Variants in CCNJL observed in about 807,000 individuals in gnomAD.
The protein encoded by CCNJL is cyclin J like.
CCNJL carries 33 observed loss-of-function variants against 33.4 expected under a neutral mutation model. The ratio of observed to expected loss-of-function variants is 0.99; its 90% CI spans 0.75 to 1.32. CCNJL has a LOEUF of 1.32. CCNJL is among the 40% of genes most tolerant of loss of function. The pLI is 0.00. For missense variants in CCNJL, 512 were observed against 499.7 expected (o/e 1.02, Z -0.23); for synonymous variants, 227 against 220.9 (o/e 1.03, Z -0.24).
chr5:160,304,288 C>CA lies in CCNJL; in HGVS notation c.66+7569dup, dbSNP rs548281217. ...GAGAATACGGGTGAAGCACTGCAGT[C>CA]AGTTTCAAAGCTAGACACTATCTTG... is the stretch of plus-strand genomic sequence containing the variant. On this transcript the variant is annotated intron_variant, in intron 2 of 5. Coordinates refer to ENST00000257536, the MANE Select transcript of CCNJL (RefSeq NM_001308173.3). Among the ~76,000 whole-genome samples the CA allele has an allele frequency of 1.9e-3, 296 of 152,330 alleles. 3 individuals are homozygous for CA. Among genetic ancestry groups the CA allele is most frequent in the African/African-American group, 6.7e-3 (278 of 41,572 alleles).
At chr5:160,332,046 C>T (rs1244189604) in intron 1 of CCNJL, among the ~76,000 whole-genome samples, 2 of 152,106 alleles carry the variant, frequency 1.3e-5, no homozygotes, top group African/African-American at 2.4e-5. Flanking sequence ...TCTGTTTCCC[C>T]TCCCTCTCTC....
At chr5:160,270,641 AG>A (rs1761798917) in intron 3 of CCNJL, among the ~76,000 whole-genome samples, 1 of 152,224 alleles carries the variant, frequency 6.6e-6, no homozygotes, top group Non-Finnish European at 1.5e-5. Flanking sequence ...CACTGAGGCT[AG>A]GATTTACCCT....
intron 4 of CCNJL, chr5:160,258,708 AC>A: frequency 1.3e-6 from 1 of 744,562 alleles, no homozygotes; most frequent in Non-Finnish European, 2.4e-6. Context: ...TAAAAAACAA[AC>A]AAAAAAAAGA....
At chr5:160,321,009 TCTC>T (rs1763448408) in intron 1 of CCNJL, among the ~76,000 whole-genome samples, 5 of 95,830 alleles carry the variant, frequency 5.2e-5, no homozygotes, top group African/African-American at 2.6e-4. Flanking sequence ...TCTCTCTCTC[TCTC>T]TCTTTCTTTC....
At chr5:160,332,112 C>G (rs1763614814) in intron 1 of CCNJL, among the ~76,000 whole-genome samples, 4 of 152,160 alleles carry the variant, frequency 2.6e-5, no homozygotes, top group African/African-American at 4.8e-5. Context: ...TACTTCCTCA[C>G]CCCTCCTCAC....
At chr5:160,322,588 C>T (rs766869681) in intron 1 of CCNJL, among the ~76,000 whole-genome samples, 15 of 152,216 alleles carry the variant, frequency 9.9e-5, no homozygotes, top group African/African-American at 2.9e-4. Flanking sequence ...AATGATCTCA[C>T]GAGCATTTTT....
chr5:160,332,096 G>A (rs868423552), intron 1 of CCNJL, among the ~76,000 whole-genome samples: 4 of 151,986 alleles, frequency 2.6e-5, no homozygotes, highest in Non-Finnish European at 2.9e-5. Flanking sequence ...CCCTGCTGAC[G>A]TCTAATACTT....
intron 2 of CCNJL, among the ~76,000 whole-genome samples, chr5:160,288,769 T>C (rs1762488199): frequency 2.7e-5 from 4 of 147,934 alleles, no homozygotes; most frequent in Non-Finnish European, 5.9e-5. Flanking sequence ...GGGCGGAGCT[T>C]GCAGTGAATG....
upstream of CCNJL, chr5:160,315,431 C>A: frequency 2.2e-6 from 1 of 448,634 alleles, no homozygotes; most frequent in South Asian, 1.6e-5. Flanking sequence ...CACTTGAGCA[C>A]CAAAGGTTGA....
At chr5:160,261,602 T>C (rs1179841130) in intron 3 of CCNJL, among the ~76,000 whole-genome samples, 1 of 152,066 alleles carries the variant, frequency 6.6e-6, no homozygotes, top group African/African-American at 2.4e-5. Flanking sequence ...ACTGGCTCTA[T>C]TGGCTTTGGC....
chr5:160,255,457 A>G lies in CCNJL; in HGVS notation c.743+92T>C, dbSNP rs1051883334. On this transcript the variant is annotated intron_variant, in intron 5 of 5. Transcript: ENST00000257536. ...AGCTGGAAGAACCACCACAAGTTCC[A>G]GACTCTGGAAACTGCCCGTGGCCTG... 2.3e-5 allele frequency: 28 copies of G among 1,227,062 alleles called. No homozygotes were observed. In the African/African-American group the frequency reaches 3.6e-4, roughly 16 times the overall value. 76.0% of individuals were successfully genotyped at this position (1,227,062 alleles called of 1,614,324 possible). A position where few individuals can be genotyped will look rare whatever the true frequency, so the allele number is the denominator to read the frequency against.
chr5:160,312,540 G>C lies in CCNJL; in HGVS notation c.-226C>G, dbSNP rs962841797. 2 of 151,624 alleles carry C rather than the reference G, an allele frequency of 1.3e-5. No individual in the cohort carries two copies. The highest frequency in any genetic ancestry group is 4.8e-5 in the African/African-American group (2 of 41,380). 9.4% of individuals were successfully genotyped at this position (151,624 alleles called of 1,614,324 possible). On this transcript the variant is annotated 5_prime_UTR_variant, in exon 1 of 6. Transcript: ENST00000257536. ...TCGCCGCGCCCCTGCGTGCGCTCGG[G>C]TCCCGCCGCGGCTCGCAGGCTCCCG...
Position 160,255,541 on chromosome 5 carries a change from AAACTTACACC to A in CCNJL, c.741_743+7del. 1 of 1,613,736 alleles carries A rather than the reference AAACTTACACC, an allele frequency of 6.2e-7. No individual in the cohort carries two copies. The highest frequency in any genetic ancestry group is 8.5e-7 in the Non-Finnish European group (1 of 1,179,690). ...TTCAGAAACACAGGATTCAGGGGAG[AAACTTACACC>A]AGCAGGATTTCAATACACGTGCTGA... is the stretch of plus-strand genomic sequence containing the variant. On this transcript the variant is annotated splice_donor_variant and splice_donor_5th_base_variant and coding_sequence_variant and intron_variant, in exon 5 of 6. Coordinates refer to ENST00000257536, the MANE Select transcript of CCNJL (RefSeq NM_001308173.3). LOFTEE classifies it high-confidence loss of function.
chr5:160,255,849 G>T, intron 4 of CCNJL, 141 bp from the exon 5 acceptor site: 1 of 712,798 alleles, frequency 1.4e-6, no homozygotes, highest in Non-Finnish European at 2.3e-6. Flanking sequence ...ATTAGAAACT[G>T]TGAAGTTCCA....
intron 2 of CCNJL, among the ~76,000 whole-genome samples, chr5:160,290,396 G>T (rs1446967533): frequency 6.6e-6 from 1 of 151,876 alleles, no homozygotes; most frequent in Non-Finnish European, 1.5e-5. Flanking sequence ...CTCCCGAGTA[G>T]CTGGAATTAC....
rs200863726 is a variant in CCNJL at position 160,257,499 on chromosome 5, TAAAATCCTAGC to T, written c.584-1802_584-1792del. On this transcript the variant is annotated intron_variant, in intron 4 of 5. Transcript: ENST00000257536. Reference sequence around the variant, plus strand: ...CAAAAAATAAAAATAAAAAATAAAATAAAATCCTAGCAATAACCTTGGGTAAGTTACAGCTG... The same window carrying T: ...CAAAAAATAAAAATAAAAAATAAAATAATAACCTTGGGTAAGTTACAGCTG... Among the ~76,000 whole-genome samples the T allele has an allele frequency of 8.1e-3, 1,216 of 150,356 alleles. 9 individuals are homozygous for T. The highest frequency in any genetic ancestry group is 0.028 in the African/African-American group (1,125 of 40,850).
At chr5:160,294,171 C>G (rs568750407) in intron 2 of CCNJL, among the ~76,000 whole-genome samples, 16 of 152,318 alleles carry the variant, frequency 1.1e-4, no homozygotes, top group African/African-American at 3.6e-4. Flanking sequence ...GTACACAGCA[C>G]GACCTGGGAG....
At chr5:160,312,130 C>T (rs1414017750) in intron 1 of CCNJL, among the ~76,000 whole-genome samples, 158 bp from the exon 2 acceptor site, 10 of 152,192 alleles carry the variant, frequency 6.6e-5, no homozygotes, top group African/African-American at 2.4e-4. Context: ...CGGAAGGCTG[C>T]GGTGCCCCCT....
chr5:160,255,472 C>T (rs1456727541), intron 5 of CCNJL, 77 bp downstream of exon 5: 6 of 1,401,510 alleles, frequency 4.3e-6, no homozygotes, highest in African/African-American at 4.3e-5. Context: ...CTGGAAACTG[C>T]CCGTGGCCTG....
Sources: allele counts gnomAD v4.1 joint callset (sites outside exome capture counted in the v4.1 genomes callset), GRCh38; gene constraint gnomAD v4.1.1; transcripts MANE v1.5; gene names NCBI Gene and HGNC (gene_info 2026-07-23, HGNC 2026-07-21).